The following METTL9 variants were observed in gnomAD, a reference collection of about 807,000 sequenced individuals.
METTL9 encodes the protein methyltransferase 9, His-X-His N1(pi)-histidine, also known as protein-L-histidine N-pros-methyltransferase.
In METTL9, 10 loss-of-function variants were observed where a neutral mutation model predicts 36.0. The observed-to-expected ratio is 0.28, with a 90% confidence interval of 0.17 to 0.47. The LOEUF (loss-of-function observed/expected upper bound fraction) is 0.47. Among genes scored for constraint, METTL9 ranks in the 20% least tolerant of loss-of-function variants. The pLI, the probability that METTL9 is intolerant of heterozygous loss-of-function variation, is 0.99. For synonymous variants in METTL9, 175 were observed against 149.7 expected, an observed-to-expected ratio of 1.17 and a Z score of -1.23; for missense variants, 246 against 383.5, an observed-to-expected ratio of 0.64 and a Z score of 3.00.
In METTL9 at chr16:21,655,649, A is replaced by G. The variant is rs1966689050; in HGVS notation, c.*217A>G. 1.9e-6 allele frequency: 1 copy of G among 513,654 alleles called. No individual in the cohort carries two copies. The highest frequency in any genetic ancestry group is 3.7e-5 in the Admixed American group (1 of 26,774). 31.8% of individuals were successfully genotyped at this position (513,654 alleles called of 1,614,324 possible). A position where few individuals can be genotyped will look rare whatever the true frequency, so the allele number is the denominator to read the frequency against. ...CCCAACTCTTTGTGGATTTTTATCA[A>G]CTCTTTACTCAGAGCCACTCTCCAA... On this transcript the variant is annotated 3_prime_UTR_variant, in exon 5 of 5. Coordinates refer to ENST00000358154, the MANE Select transcript of METTL9 (RefSeq NM_016025.5).
At chr16:21,599,372 C>T (rs1965030142), upstream of METTL9, 2 of 1,045,422 alleles carry the variant, frequency 1.9e-6, no homozygotes, top group Non-Finnish European at 2.3e-6. The surrounding 1 kb of genome is among the most constrained non-coding windows in gnomAD (Gnocchi z 4.4). Context: ...AAGGCAGGGC[C>T]GGGACACGAG....
intron 4 of METTL9, among the ~76,000 whole-genome samples, chr16:21,632,990 G>C (rs1199612741): frequency 6.6e-6 from 1 of 152,086 alleles, no homozygotes; most frequent in African/African-American, 2.4e-5. Context: ...TTCTGCCTCT[G>C]GTTCCCCTTC....
intron 4 of METTL9, among the ~76,000 whole-genome samples, chr16:21,631,982 T>C (rs1965974417): frequency 6.6e-6 from 1 of 152,190 alleles, no homozygotes; most frequent in Non-Finnish European, 1.5e-5. Context: ...CTTTGTCTCT[T>C]TCTTTCTTTC....
At chr16:21,631,439 C>T (rs146499783) in intron 4 of METTL9, among the ~76,000 whole-genome samples, 2 of 152,308 alleles carry the variant, frequency 1.3e-5, no homozygotes, top group African/African-American at 4.8e-5. Flanking sequence ...ATAGATGGCT[C>T]CTTCCTGATT....
chr16:21,623,690 G>T (rs1301405510), intron 3 of METTL9, among the ~76,000 whole-genome samples: 1 of 152,142 alleles, frequency 6.6e-6, no homozygotes, highest in Non-Finnish European at 1.5e-5. Flanking sequence ...AGAGATTGAG[G>T]ATCGAGAGTG....
At chr16:21,597,215 A>G (rs898174485), upstream of METTL9, 7 of 1,266,464 alleles carry the variant, frequency 5.5e-6, no homozygotes, top group Non-Finnish European at 7.2e-6. Context: ...CTCATTTGTA[A>G]TTCAGGAGGC....
In METTL9 at chr16:21,645,329, T is replaced by C. The variant is rs565117013; in HGVS notation, c.752-9898T>C. Among the ~76,000 whole-genome samples the C allele has an allele frequency of 2.0e-5, 3 of 152,294 alleles. No individual in the cohort carries two copies. The South Asian group carries it at 6.2e-4, about 32-fold the overall frequency. On this transcript the variant is annotated intron_variant, in intron 4 of 4. Coordinates refer to ENST00000358154, the MANE Select transcript of METTL9 (RefSeq NM_016025.5). ...TTAGCTGGGCGTGGTCGCACATGCC[T>C]GTAATCCCAGCTACTCAGGAGGTTG...
chr16:21,618,700 ATTTTC>A lies in METTL9; in HGVS notation c.566+646_566+650del, dbSNP rs771846359. Among the ~76,000 whole-genome samples the A allele has an allele frequency of 1.2e-3, 180 of 150,594 alleles. 1 individual carries two copies. Among genetic ancestry groups the A allele is most frequent in the Non-Finnish European group, 2.0e-3 (136 of 67,576 alleles). On this transcript the variant is annotated intron_variant, in intron 3 of 4. Coordinates refer to ENST00000358154, the MANE Select transcript of METTL9 (RefSeq NM_016025.5). ...TACTCATGTTGTACCATGGGCCAAA[ATTTTC>A]TTTTCTTTTCTTTTCTTTTTTTTTT...
chr16:21,647,460 G>A (rs1966461387), intron 4 of METTL9: 6 of 1,614,024 alleles, frequency 3.7e-6, no homozygotes, highest in Non-Finnish European at 5.1e-6. Context: ...TACCACGGTT[G>A]TGTGACAGAG....
At chr16:21,618,691 T>C (rs1187525429) in intron 3 of METTL9, among the ~76,000 whole-genome samples, 1 of 152,004 alleles carries the variant, frequency 6.6e-6, no homozygotes, top group Non-Finnish European at 1.5e-5. Context: ...TGTTGTACCA[T>C]GGGCCAAAAT....
At chr16:21,637,375 G>C (rs1966127697) in intron 4 of METTL9, among the ~76,000 whole-genome samples, 1 of 152,210 alleles carries the variant, frequency 6.6e-6, no homozygotes, top group South Asian at 2.1e-4. Flanking sequence ...GCTAGACACA[G>C]AGCGCTGATT....
chr16:21,619,925 C>T (rs1965653627), intron 3 of METTL9, among the ~76,000 whole-genome samples: 1 of 152,134 alleles, frequency 6.6e-6, no homozygotes, highest in Non-Finnish European at 1.5e-5. Flanking sequence ...CATGTTTCTA[C>T]TTTTACAGAT....
intron 3 of METTL9, among the ~76,000 whole-genome samples, chr16:21,618,587 A>T (rs537994631): frequency 5.8e-4 from 88 of 152,234 alleles, no homozygotes; most frequent in Non-Finnish European, 8.7e-4. Context: ...TATGAATTTG[A>T]CTATTCTGGG....
intron 3 of METTL9, among the ~76,000 whole-genome samples, chr16:21,623,275 A>G (rs1375139255): frequency 6.6e-6 from 1 of 152,220 alleles, no homozygotes; most frequent in Admixed American, 6.5e-5. Context: ...TTAGTTTGAC[A>G]AAAATATAGA....
At chr16:21,643,666 A>C in intron 4 of METTL9, 82 of 994,784 alleles carry the variant, frequency 8.2e-5, no homozygotes, top group Non-Finnish European at 1.2e-4. Flanking sequence ...CAGATATCTC[A>C]TGCCCTAATA....
chr16:21,623,895 C>T (rs566797976), intron 3 of METTL9, among the ~76,000 whole-genome samples: 2 of 152,002 alleles, frequency 1.3e-5, no homozygotes, highest in African/African-American at 4.8e-5. Context: ...CTCAGCCTCC[C>T]GGGTAGCTGG....
At chr16:21,614,172 C>G (rs779080662) in intron 2 of METTL9, among the ~76,000 whole-genome samples, 1 of 152,116 alleles carries the variant, frequency 6.6e-6, no homozygotes, top group Non-Finnish European at 1.5e-5. Context: ...TGAGTTGATA[C>G]AACTTGGTCT....
At chr16:21,648,573 G>T (rs962537473) in intron 4 of METTL9, among the ~76,000 whole-genome samples, 21 of 152,186 alleles carry the variant, frequency 1.4e-4, no homozygotes, top group Admixed American at 7.2e-4. Flanking sequence ...ACCATGTGGT[G>T]CTCTTCCAAG....
intron 2 of METTL9, among the ~76,000 whole-genome samples, chr16:21,616,294 C>T (rs1965553592): frequency 6.6e-6 from 1 of 152,286 alleles, no homozygotes; most frequent in Middle Eastern, 3.4e-3. Flanking sequence ...AGAGAAAGGC[C>T]TAGAAGTGGG....
Sources: allele counts gnomAD v4.1 joint callset (sites outside exome capture counted in the v4.1 genomes callset), GRCh38; gene constraint gnomAD v4.1.1; non-coding constraint Gnocchi (gnomAD v3.1); transcripts MANE v1.5; gene names NCBI Gene and HGNC (gene_info 2026-07-23, HGNC 2026-07-21).